The following GREB1 variants were observed in gnomAD, a reference collection of about 807,000 sequenced individuals.
GREB1 encodes growth regulating estrogen receptor binding 1, also known as protein GREB1.
In GREB1, 106 loss-of-function variants were observed where a neutral mutation model predicts 200.7. The observed-to-expected ratio is 0.53, with a 90% CI of 0.45 to 0.62. The LOEUF is 0.62. GREB1 is among the 20% of genes least tolerant of loss of function. GREB1 has a pLI of 0.00. For synonymous variants in GREB1, 1,132 were observed against 1,092.4 expected (o/e 1.04, Z -0.72); for missense variants, 2,243 against 2,556.8 (o/e 0.88, Z 2.65).
At chr2:11,635,126 TA>T in intron 29 of GREB1, 143 bp from the exon 30 acceptor site, 1 of 869,298 alleles carries the variant, frequency 1.2e-6, no homozygotes, top group Non-Finnish European at 1.8e-6. Flanking sequence ...TCCCCTAGAG[TA>T]AGGAAGGTCT....
At position 11,632,000 on chromosome 2, in the gene GREB1, C is replaced by T; in HGVS notation, c.4703C>T (p.Ala1568Val). 1 of 1,613,672 alleles carries T rather than the reference C, an allele frequency of 6.2e-7. No individual in the cohort carries two copies. The highest frequency in any genetic ancestry group is 8.5e-7 in the Non-Finnish European group (1 of 1,179,606). The change falls in exon 27 of 33, where the codon GCC (alanine) becomes GTC (valine). Residue 1568 changes from alanine to valine, a missense_variant. Ala to Val is a moderately conservative substitution (Grantham distance 64). This residue lies in a region of GREB1 where 478 missense variants were observed against 616.3 expected (regional missense o/e 0.78). Coordinates refer to ENST00000381486, the MANE Select transcript of GREB1 (RefSeq NM_014668.4). ...LFNLYHAMDG[A>V]SHLHVLVVKE... is the part of the protein sequence containing the mutation. ...AATCTGTACCACGCAATGGACGGTGCCAGCCATTTGCACGTGCTGGTTGTC... is the reference window on the plus strand; with the variant it reads ...AATCTGTACCACGCAATGGACGGTGTCAGCCATTTGCACGTGCTGGTTGTC...
chr2:11,494,767 G>A (rs1336531429), intron 1 of GREB1, among the ~76,000 whole-genome samples: 1 of 152,202 alleles, frequency 6.6e-6, no homozygotes, highest in Non-Finnish European at 1.5e-5. Flanking sequence ...TTCTTTATCT[G>A]TAAGATGGGG....
chr2:11,575,151 C>T (rs1021965238), intron 4 of GREB1, among the ~76,000 whole-genome samples: 9 of 152,176 alleles, frequency 5.9e-5, no homozygotes, highest in Non-Finnish European at 1.0e-4. Flanking sequence ...GCCGGGTGGC[C>T]CTCACGGCCT....
chr2:11,636,862 A>G (rs1273684060), intron 30 of GREB1, among the ~76,000 whole-genome samples: 1 of 150,290 alleles, frequency 6.7e-6, no homozygotes, highest in South Asian at 2.1e-4. Flanking sequence ...AGGCAGGGGC[A>G]GAGGCAAGGA....
rs1558481421 is a variant in GREB1, at chr2:11,493,345, T to C, written c.-159+10964T>C. On this transcript the variant is annotated intron_variant, in intron 1 of 2. Coordinates refer to the GREB1 transcript ENST00000628795. The surrounding 1 kb of genome is among the most constrained non-coding windows in gnomAD (Gnocchi z 4.6). ...GGTGAAACTATTCCACCTCAGATCATCAGGTATTAGATTCTCATAAGGAGC... is the reference window on the plus strand; with the variant it reads ...GGTGAAACTATTCCACCTCAGATCACCAGGTATTAGATTCTCATAAGGAGC... 6.6e-6 allele frequency among the ~76,000 whole-genome samples: 1 copy of C among 152,164 alleles called. No individual in the cohort carries two copies. Among genetic ancestry groups the C allele is most frequent in the Non-Finnish European group, 1.5e-5 (1 of 68,038 alleles).
intron 1 of GREB1, among the ~76,000 whole-genome samples, chr2:11,519,657 A>G (rs1255571478): frequency 1.3e-5 from 2 of 151,618 alleles, no homozygotes; most frequent in African/African-American, 2.4e-5. Flanking sequence ...GGGTTTCACC[A>G]TGTTGCCAGG....
intron 1 of GREB1, among the ~76,000 whole-genome samples, chr2:11,523,055 G>A (rs984091012): frequency 5.9e-5 from 9 of 152,208 alleles, no homozygotes; most frequent in African/African-American, 2.2e-4. Context: ...CCATAAAAAA[G>A]AATGAGATCA....
At chr2:11,586,853 C>T (rs1680155154) in intron 9 of GREB1, among the ~76,000 whole-genome samples, 1 of 152,200 alleles carries the variant, frequency 6.6e-6, no homozygotes. Context: ...GAGGCAGTTC[C>T]ACTGGGCCCC....
At position 11,615,195 on chromosome 2, in the gene GREB1, T is replaced by C; in HGVS notation, c.3227T>C (p.Val1076Ala). ...GLAAYFVSNEVPLEKGARNEA... is the reference protein window; with the variant it reads ...GLAAYFVSNEAPLEKGARNEA... ...GCTGCCTACTTTGTGAGCAACGAGG[T>C]TCCCTTGGAGAAGGGGGCTAGGAAC... The change falls in exon 20 of 33, where the codon GTT becomes GCT. Residue 1076 changes from valine to alanine, a missense_variant. Val to Ala is a moderately conservative substitution (Grantham distance 64). Around this residue, in one of 3 missense-constraint regions of GREB1, gnomAD observed 1,178 missense variants for 1,387.4 expected, o/e 0.85. Coordinates refer to ENST00000381486, the MANE Select transcript of GREB1 (RefSeq NM_014668.4). The C allele has an allele frequency of 6.2e-7, 1 of 1,614,024 alleles. No homozygotes were observed. The highest frequency in any genetic ancestry group is 8.5e-7 in the Non-Finnish European group (1 of 1,179,918).
intron 1 of GREB1, among the ~76,000 whole-genome samples, chr2:11,519,449 G>GTTTTTTTTTTTTTTTTT (rs70955804): frequency 2.6e-5 from 2 of 76,972 alleles, no homozygotes; most frequent in Non-Finnish European, 4.6e-5. Context: ...ACTTGTTTTG[G>GTTTTTTTTTTTTTTTTT]TTTTTTTTTT....
chr2:11,515,216 G>A (rs1673459782), intron 1 of GREB1, among the ~76,000 whole-genome samples: 1 of 151,522 alleles, frequency 6.6e-6, no homozygotes, highest in Non-Finnish European at 1.5e-5. Flanking sequence ...CACTCATTCA[G>A]TCTTTCAGTA....
At position 11,597,964 on chromosome 2, in the gene GREB1, A is replaced by G; in HGVS notation, c.2138A>G (p.His713Arg). The change falls in exon 14 of 33, where the codon CAT becomes CGT. Residue 713 changes from histidine to arginine, a missense_variant. Coordinates refer to ENST00000381486, the MANE Select transcript of GREB1 (RefSeq NM_014668.4). The surrounding 1 kb of genome is among the most constrained non-coding windows in gnomAD (Gnocchi z 4.1). ...SEVTYQQTLL[H>R]VWHSGVLLEL... ...GTGACCTACCAGCAGACTCTGCTCCATGTGTGGCATTCAGGTATGGGGCAT... is the reference window on the plus strand; with the variant it reads ...GTGACCTACCAGCAGACTCTGCTCCGTGTGTGGCATTCAGGTATGGGGCAT... 2 of 1,613,428 alleles carry G rather than the reference A, an allele frequency of 1.2e-6. No homozygotes were observed. The highest frequency in any genetic ancestry group is 2.2e-5 in the South Asian group (2 of 91,060).
chr2:11,587,658 T>A, intron 9 of GREB1: 1 of 1,379,412 alleles, frequency 7.2e-7, no homozygotes, highest in East Asian at 2.8e-5. Context: ...GAAAATATAT[T>A]TTTGGTGACT....
chr2:11,483,229 CGTGCGT>C, intron 1 of GREB1, among the ~76,000 whole-genome samples: 1 of 145,748 alleles, frequency 6.9e-6, no homozygotes. Flanking sequence ...GTGGGGTGTG[CGTGCGT>C]GTGCGTGTAT....
chr2:11,544,458 T>C (rs1015835970), intron 1 of GREB1, among the ~76,000 whole-genome samples: 6 of 152,112 alleles, frequency 3.9e-5, no homozygotes, highest in Non-Finnish European at 7.4e-5. Context: ...CTTTGTGATC[T>C]GCCCACCTCG....
chr2:11,635,964 G>A (rs148138035), intron 30 of GREB1, among the ~76,000 whole-genome samples: 1 of 152,344 alleles, frequency 6.6e-6, no homozygotes, highest in Admixed American at 6.5e-5. Flanking sequence ...GTGGGCCAGA[G>A]CCCCTTTCTC....
chr2:11,593,172 T>C, intron 11 of GREB1, 46 bp downstream of exon 11: 3 of 1,314,042 alleles, frequency 2.3e-6, no homozygotes, highest in Non-Finnish European at 3.1e-6. Context: ...CTGAACGGTG[T>C]TCCCGGTCCC....
At chr2:11,627,978 C>T (rs1684601555) in intron 25 of GREB1, among the ~76,000 whole-genome samples, 1 of 151,976 alleles carries the variant, frequency 6.6e-6, no homozygotes. Context: ...GTGGGGTTTC[C>T]AGGGGATGGG....
At chr2:11,581,259 A>T in intron 7 of GREB1, 2 of 524,228 alleles carry the variant, frequency 3.8e-6, no homozygotes, top group Admixed American at 3.6e-5. Context: ...ATGTTTCTTC[A>T]TCTGGAGATG....
Sources: gnomAD v4.1 joint callset for allele counts (sites outside exome capture counted in the v4.1 genomes callset) on GRCh38, gnomAD v4.1.1 for gene constraint, gnomAD v4.1.1 regional missense constraint, Gnocchi (gnomAD v3.1) non-coding constraint, MANE v1.5 for transcripts, NCBI Gene and HGNC (gene_info 2026-07-23, HGNC 2026-07-21) for gene names.